SSBP2: variants seen among roughly 807,000 people sequenced by gnomAD.
SSBP2 encodes the protein single stranded DNA binding protein 2.
SSBP2 carries 17 observed loss-of-function variants against 61.8 expected under a neutral mutation model. That is an observed-to-expected ratio of 0.28 (90% CI 0.19 to 0.41). SSBP2 has a LOEUF of 0.41. SSBP2 is among the 10% of genes least tolerant of loss of function. The probability of loss-of-function intolerance (pLI) is 1.00; values close to 1 mark genes in which losing one functional copy is unlikely to be tolerated. For synonymous variants in SSBP2, 139 were observed against 141.3 expected (o/e 0.98, Z 0.12); for missense variants, 310 against 458.7 (o/e 0.68, Z 2.96).
chr5:81,688,373 G>T (rs1466877717), intron 1 of SSBP2, among the ~76,000 whole-genome samples: 1 of 152,184 alleles, frequency 6.6e-6, no homozygotes, highest in East Asian at 1.9e-4. Flanking sequence ...AAGAACATTA[G>T]CTTGGCTGAC....
At chr5:81,469,940 C>G (rs1457380676) in intron 8 of SSBP2, among the ~76,000 whole-genome samples, 1 of 151,920 alleles carries the variant, frequency 6.6e-6, no homozygotes, top group Admixed American at 6.6e-5. Context: ...TGTTCAGACT[C>G]TGCTTGGAAA....
chr5:81,728,280 T>G (rs1338905623), intron 1 of SSBP2, among the ~76,000 whole-genome samples: 1 of 152,186 alleles, frequency 6.6e-6, no homozygotes, highest in African/African-American at 2.4e-5. Flanking sequence ...GCACTTCCAT[T>G]TCAAAACAAA....
At chr5:81,690,448 C>A (rs1753117228) in intron 1 of SSBP2, among the ~76,000 whole-genome samples, 1 of 151,976 alleles carries the variant, frequency 6.6e-6, no homozygotes, top group South Asian at 2.1e-4. Flanking sequence ...ACAGAAGTAA[C>A]TATGCGTATA....
Position 81,670,182 on chromosome 5 carries a change from T to G in SSBP2, c.63-19843A>C, listed in dbSNP as rs183259548. ...ATGGACTTCGAGTAATAATGAGGCT[T>G]CAATGTAGGTTCATCAATTATAACC... On this transcript the variant is annotated intron_variant, in intron 1 of 16. Transcript: ENST00000320672. Among the ~76,000 whole-genome samples, 305 of 152,252 alleles carry G rather than the reference T, an allele frequency of 2.0e-3. 2 individuals are homozygous for G. The highest frequency in any genetic ancestry group is 7.0e-3 in the African/African-American group (292 of 41,554).
Position 81,482,605 on chromosome 5 carries a change from A to T in SSBP2, c.432+6645T>A, listed in dbSNP as rs1055342430. On this transcript the variant is annotated intron_variant, in intron 6 of 16. Transcript: ENST00000320672. ...CAGGCTTTTCTTCTGCAACTTCCTCAGCTCTCTCAGTCTTCACAGAACTGA... is the reference window on the plus strand; with the variant it reads ...CAGGCTTTTCTTCTGCAACTTCCTCTGCTCTCTCAGTCTTCACAGAACTGA... 1.2e-4 allele frequency among the ~76,000 whole-genome samples: 19 copies of T among 152,170 alleles called. 1 individual carries two copies. The highest frequency in any genetic ancestry group is 1.2e-3 in the Admixed American group (18 of 15,274).
chr5:81,632,688 G>C (rs550566153), intron 3 of SSBP2, among the ~76,000 whole-genome samples: 1 of 152,036 alleles, frequency 6.6e-6, no homozygotes, highest in African/African-American at 2.4e-5. Context: ...CTCTCTCCCT[G>C]TATCTTCAGA....
intron 6 of SSBP2, among the ~76,000 whole-genome samples, chr5:81,480,935 A>G (rs1417107333): frequency 1.3e-5 from 2 of 152,214 alleles, no homozygotes; most frequent in African/African-American, 2.4e-5. Flanking sequence ...CCTTACCAGG[A>G]AAGAGTAGAT....
chr5:81,464,113 A>G (rs951641793), intron 9 of SSBP2, among the ~76,000 whole-genome samples: 3 of 152,086 alleles, frequency 2.0e-5, no homozygotes, highest in African/African-American at 7.2e-5. Context: ...TTTTATTTCA[A>G]AATAATAACT....
chr5:81,675,527 G>A (rs929809399), intron 1 of SSBP2, among the ~76,000 whole-genome samples: 5 of 152,128 alleles, frequency 3.3e-5, no homozygotes, highest in African/African-American at 4.8e-5. Flanking sequence ...ACAGCTTCAC[G>A]AAACTGCCAG....
intron 4 of SSBP2, among the ~76,000 whole-genome samples, chr5:81,593,861 C>A (rs987655002): frequency 1.6e-4 from 25 of 152,328 alleles, no homozygotes; most frequent in Middle Eastern, 6.8e-3. Context: ...TGGAAAGGAA[C>A]AACTGGTACC....
intron 9 of SSBP2, among the ~76,000 whole-genome samples, chr5:81,464,647 G>GA (rs1411428822): frequency 3.3e-5 from 5 of 152,130 alleles, no homozygotes; most frequent in African/African-American, 9.6e-5. Flanking sequence ...TGGCAAATAA[G>GA]AAAAAATGAC....
intron 4 of SSBP2, among the ~76,000 whole-genome samples, chr5:81,591,642 A>G (rs373850439): frequency 6.6e-6 from 1 of 152,236 alleles, no homozygotes; most frequent in Non-Finnish European, 1.5e-5. Context: ...AATAAAGATG[A>G]AGACTGTCTT....
chr5:81,477,057 C>A (rs1765642757), intron 6 of SSBP2, among the ~76,000 whole-genome samples: 1 of 151,804 alleles, frequency 6.6e-6, no homozygotes, highest in African/African-American at 2.4e-5. Context: ...CATTTTTGAG[C>A]ATTTCCTTAA....
intron 4 of SSBP2, among the ~76,000 whole-genome samples, chr5:81,545,477 T>C (rs1380498890): frequency 1.3e-5 from 2 of 152,190 alleles, no homozygotes. Flanking sequence ...ATAAAAATAA[T>C]TAGTTGTGTG....
At chr5:81,569,316 G>A (rs1176693732) in intron 4 of SSBP2, among the ~76,000 whole-genome samples, 1 of 152,112 alleles carries the variant, frequency 6.6e-6, no homozygotes, top group African/African-American at 2.4e-5. Context: ...TTTACACCAT[G>A]AGTCTTATTC....
rs182899025 is a variant in SSBP2 at position 81,638,515 on chromosome 5, T to C, written c.136-1897A>G. Among the ~76,000 whole-genome samples the C allele has an allele frequency of 1.4e-3, 205 of 149,594 alleles. 1 individual carries two copies. Among genetic ancestry groups the C allele is most frequent in the South Asian group, 3.0e-3 (14 of 4,706 alleles). On this transcript the variant is annotated intron_variant, in intron 2 of 16. Transcript: ENST00000320672. ...TCCAGCCTGACAGAGCAAGACTCCG[T>C]CTCAGAGGGAAAAAAAAAAAAGGAG...
intron 1 of SSBP2, among the ~76,000 whole-genome samples, chr5:81,693,797 C>G (rs1477368318): frequency 1.3e-5 from 2 of 152,098 alleles, no homozygotes; most frequent in Admixed American, 1.3e-4. Flanking sequence ...AAAAATAGAA[C>G]TACCATATGA....
chr5:81,723,207 G>A (rs1308011364), intron 1 of SSBP2, among the ~76,000 whole-genome samples: 1 of 151,958 alleles, frequency 6.6e-6, no homozygotes, highest in Admixed American at 6.6e-5. Flanking sequence ...CACTTTCTTT[G>A]AGATTACATA....
intron 2 of SSBP2, among the ~76,000 whole-genome samples, chr5:81,638,184 C>T (rs1357073758): frequency 1.3e-5 from 2 of 151,064 alleles, no homozygotes; most frequent in Admixed American, 6.6e-5. Context: ...AGCACACCAG[C>T]ATGGCACATG....
Sources: gnomAD v4.1 joint callset for allele counts (sites outside exome capture counted in the v4.1 genomes callset) on GRCh38, gnomAD v4.1.1 for gene constraint, MANE v1.5 for transcripts, NCBI Gene and HGNC (gene_info 2026-07-23, HGNC 2026-07-21) for gene names.